FAM234A: variants seen among roughly 807,000 people sequenced by gnomAD.
FAM234A encodes protein FAM234A.
FAM234A carries 42 observed loss-of-function variants against 49.1 expected under a neutral mutation model. That is an observed-to-expected ratio of 0.86 (90% CI 0.67 to 1.11). The LOEUF (loss-of-function observed/expected upper bound fraction) is 1.11. FAM234A is among the 50% of genes least tolerant of loss of function. The probability of loss-of-function intolerance (pLI) is 0.00; values close to 1 mark genes in which losing one functional copy is unlikely to be tolerated. For synonymous variants in FAM234A, 369 were observed against 316.2 expected (o/e 1.17, Z -1.77); for missense variants, 815 against 745.2 (o/e 1.09, Z -1.09).
chr16:254,167 A>C (rs1224710344), intron 2 of FAM234A: 2 of 526,640 alleles, frequency 3.8e-6, no homozygotes, highest in African/African-American at 3.8e-5. Flanking sequence ...CTCCACAGCT[A>C]ACTCGCCTTT....
chr16:261,095 G>T (rs1017147546), intron 5 of FAM234A: 1 of 323,450 alleles, frequency 3.1e-6, no homozygotes, highest in African/African-American at 2.1e-5. Context: ...AGAAAAGGAA[G>T]GGGGAACTCT....
At chr16:269,769 C>G, downstream of FAM234A, 1 of 575,880 alleles carries the variant, frequency 1.7e-6, no homozygotes, top group Non-Finnish European at 3.1e-6. Context: ...GACCTGGGCT[C>G]CCGTCTGCCT....
Position 254,535 on chromosome 16 carries a change from A to G in FAM234A, c.122A>G (p.Gln41Arg), listed in dbSNP as rs1327818433. 4 of 1,614,138 alleles carry G rather than the reference A, an allele frequency of 2.5e-6. No homozygotes were observed. In the East Asian group the frequency reaches 6.7e-5, roughly 27 times the overall value. Residue 41 changes from glutamine (Q) to arginine (R), a missense_variant, in exon 3 of 13, where the codon CAG becomes CGG. Coordinates refer to ENST00000399932, the MANE Select transcript of FAM234A (RefSeq NM_032039.4). The part of the protein sequence containing the change: ...NEDNVKSAPP[Q>R]SRLSRCRAAA... ...GATAACGTGAAAAGCGCGCCTCCAC[A>G]GTCCCGGCTCTCCCGGTGCCGAGCG... is the stretch of plus-strand genomic sequence containing the variant.
chr16:243,930 G>A (rs1179201832), intron 1 of FAM234A, among the ~76,000 whole-genome samples: 1 of 152,046 alleles, frequency 6.6e-6, no homozygotes, highest in Non-Finnish European at 1.5e-5. Flanking sequence ...TGTTATAAAT[G>A]CTGTGCATAT....
At chr16:250,178 A>G (rs6600204) in intron 2 of FAM234A, among the ~76,000 whole-genome samples, 36,153 of 152,038 alleles carry the variant, frequency 0.24, 4,923 homozygotes, top group East Asian at 0.44. Flanking sequence ...TGATCCTCCC[A>G]CCTCGGCCTC....
chr16:244,264 G>C (rs139780688), intron 1 of FAM234A, among the ~76,000 whole-genome samples: 4 of 152,218 alleles, frequency 2.6e-5, no homozygotes, highest in South Asian at 4.1e-4. Flanking sequence ...CACCGCGCCC[G>C]GTCGGAAAAT....
intron 1 of FAM234A, among the ~76,000 whole-genome samples, chr16:244,812 C>G (rs754817152): frequency 1.3e-5 from 2 of 150,988 alleles, no homozygotes; most frequent in African/African-American, 2.4e-5. Context: ...CTCAGCCTCC[C>G]GAGTAGCTGG....
intron 5 of FAM234A, 62 bp downstream of exon 5, chr16:260,222 A>C (rs927660015): frequency 3.3e-6 from 5 of 1,496,160 alleles, no homozygotes; most frequent in African/African-American, 1.4e-5. Flanking sequence ...CCTCACCCTG[A>C]GGGCTAATGC....
intron 1 of FAM234A, among the ~76,000 whole-genome samples, chr16:243,499 A>G (rs1425956742): frequency 6.6e-6 from 1 of 152,204 alleles, no homozygotes; most frequent in Non-Finnish European, 1.5e-5. Context: ...TGACCGCAGT[A>G]GAGAAAAACA....
At position 263,763 on chromosome 16, in the gene FAM234A, C is replaced by T. The variant is rs1402076676; in HGVS notation, c.1176C>T (p.Gly392=). The change falls in exon 10 of 13, where the codon GGC becomes GGT. Residue 392 remains glycine (G), a synonymous_variant. Transcript: ENST00000399932. ...CTGTAGCCGTTGAAAACGGAACTGG[C>T]ACCGACAGACAGGTTCGTTGTTCTT... ...TLAVAVENGT[G]TDRQILFLDL... 6 of 1,613,096 alleles carry T rather than the reference C, an allele frequency of 3.7e-6. No homozygotes were observed. The highest frequency in any genetic ancestry group is 5.1e-6 in the Non-Finnish European group (6 of 1,179,042).
At chr16:269,312 G>C (rs2051806503), downstream of FAM234A, 1 of 1,595,388 alleles carries the variant, frequency 6.3e-7, no homozygotes, top group East Asian at 2.3e-5. Flanking sequence ...AGCCGCTGTG[G>C]GCTCCACAGG....
chr16:255,991 T>C (rs1358051257), intron 3 of FAM234A, among the ~76,000 whole-genome samples: 2 of 152,240 alleles, frequency 1.3e-5, no homozygotes. Context: ...AGTGAAATCA[T>C]ACAGTATGTA....
rs78887793 is a variant in FAM234A, at chr16:249,544, C to T, written c.-139-5C>T. 4 of 152,178 alleles carry T rather than the reference C, an allele frequency of 2.6e-5. No homozygotes were observed. The East Asian group carries it at 7.7e-4, about 29-fold the overall frequency. The allele number at this position is 152,178 out of a possible 1,614,324, so 9.4% of individuals were successfully genotyped here. On this transcript the variant is annotated splice_region_variant and splice_polypyrimidine_tract_variant and intron_variant, in intron 1 of 12. Coordinates refer to ENST00000399932, the MANE Select transcript of FAM234A (RefSeq NM_032039.4). ...GCACTTGACAAGTGGCTTTATGATC[C>T]CTAGGTCCACCTGGGCTTGCGAAGG...
intron 1 of FAM234A, among the ~76,000 whole-genome samples, chr16:239,299 CAA>C (rs1237035752): frequency 7.0e-6 from 1 of 142,004 alleles, no homozygotes; most frequent in African/African-American, 2.6e-5. Flanking sequence ...GACTCTGACT[CAA>C]GAAAATAAAA....
intron 3 of FAM234A, 63 bp downstream of exon 3, chr16:254,744 G>A: frequency 1.3e-6 from 2 of 1,552,238 alleles, no homozygotes; most frequent in Non-Finnish European, 1.8e-6. Flanking sequence ...ATGGGGCGGA[G>A]GGGGCAGAAC....
At chr16:238,626 C>G (rs1054986495) in intron 1 of FAM234A, among the ~76,000 whole-genome samples, 2 of 150,956 alleles carry the variant, frequency 1.3e-5, no homozygotes, top group Non-Finnish European at 2.9e-5. Context: ...ATTAGCCAGG[C>G]GTGGTGACGG....
chr16:241,538 A>G (rs1387959561), intron 1 of FAM234A, among the ~76,000 whole-genome samples: 3 of 151,956 alleles, frequency 2.0e-5, no homozygotes, highest in South Asian at 4.2e-4. Context: ...GCAGTGAGCC[A>G]TGATTGCACC....
chr16:237,065 T>G (rs1295140959), intron 1 of FAM234A, among the ~76,000 whole-genome samples: 1 of 145,546 alleles, frequency 6.9e-6, no homozygotes, highest in Non-Finnish European at 1.5e-5. Flanking sequence ...GTTTATTTAT[T>G]TATGTATTTT....
chr16:258,055 C>T (rs1017624739), intron 3 of FAM234A, among the ~76,000 whole-genome samples: 6 of 151,920 alleles, frequency 3.9e-5, no homozygotes, highest in Non-Finnish European at 5.9e-5. Context: ...AAGGTTTCAC[C>T]GTATTAGCCA....
Sources: gnomAD v4.1 joint callset for allele counts (sites outside exome capture counted in the v4.1 genomes callset) on GRCh38, gnomAD v4.1.1 for gene constraint, MANE v1.5 for transcripts, NCBI Gene and HGNC (gene_info 2026-07-23, HGNC 2026-07-21) for gene names.